Variants in MGAT4C observed in about 807,000 individuals in gnomAD.
The protein encoded by MGAT4C is alpha-1,3-mannosyl-glycoprotein 4-beta-N-acetylglucosaminyltransferase C.
MGAT4C carries 19 observed loss-of-function variants against 40.1 expected under a neutral mutation model. That is an observed-to-expected ratio of 0.47 (90% CI 0.33 to 0.70). The LOEUF is 0.70. Among genes scored for constraint, MGAT4C ranks in the 30% least tolerant of loss-of-function variants. The pLI, the probability that MGAT4C is intolerant of heterozygous loss-of-function variation, is 0.02. For missense variants in MGAT4C, 491 were observed against 563.2 expected (o/e 0.87, Z 1.30); for synonymous variants, 181 against 187.1 (o/e 0.97, Z 0.27).
At chr12:86,176,748 A>C (rs1887480331) in intron 1 of MGAT4C, among the ~76,000 whole-genome samples, 1 of 150,808 alleles carries the variant, frequency 6.6e-6, no homozygotes. Flanking sequence ...TGACATTAAA[A>C]TATTGATGAT....
rs77283638 is a variant in MGAT4C at position 86,048,448 on chromosome 12, T to C, written c.-7+1226A>G. ...TTCACCCATGTAACAGACCTGCACA[T>C]GTACATCATGAACCTAAAGTCATAT... is the stretch of plus-strand genomic sequence containing the variant. On this transcript the variant is annotated intron_variant, in intron 2 of 4. Transcript: ENST00000611864. Among the ~76,000 whole-genome samples, 2,205 of 152,042 alleles carry C rather than the reference T, an allele frequency of 0.015. 161 individuals are homozygous for C. In the East Asian group the frequency reaches 0.24, roughly 17 times the overall value.
At position 86,624,675 on chromosome 12, in the gene MGAT4C, C is replaced by T. The variant is rs548484733; in HGVS notation, c.-229+102534G>A. ...GGAGGAAGAAGGGGAAGGGAGGAAT[C>T]TTTAGTTTCCCCACATAGAGGTGCC... On this transcript the variant is annotated intron_variant, in intron 2 of 7. Coordinates refer to the MGAT4C transcript ENST00000548651. Among the ~76,000 whole-genome samples the T allele has an allele frequency of 3.3e-5, 5 of 152,166 alleles. No individual in the cohort carries two copies. In the East Asian group the frequency reaches 9.7e-4, roughly 30 times the overall value.
intron 1 of MGAT4C, among the ~76,000 whole-genome samples, chr12:86,798,308 GTTTGT>G (rs1439763184): frequency 6.6e-6 from 1 of 151,782 alleles, no homozygotes; most frequent in Non-Finnish European, 1.5e-5. Context: ...CATTTTCTTA[GTTTGT>G]TTTGTCTCCT....
At chr12:86,152,814 A>T (rs993354587) in intron 1 of MGAT4C, among the ~76,000 whole-genome samples, 15 of 152,280 alleles carry the variant, frequency 9.9e-5, no homozygotes, top group African/African-American at 3.4e-4. Context: ...GAAACACACA[A>T]ACCCAAAGAT....
chr12:86,713,219 T>C (rs372960264), intron 2 of MGAT4C, among the ~76,000 whole-genome samples: 36 of 152,212 alleles, frequency 2.4e-4, no homozygotes, highest in African/African-American at 8.7e-4. Flanking sequence ...ATGGTTTACA[T>C]GTTGTTTTTT....
intron 3 of MGAT4C, among the ~76,000 whole-genome samples, chr12:86,353,965 G>A (rs924238305): frequency 1.3e-5 from 2 of 152,098 alleles, no homozygotes; most frequent in Non-Finnish European, 2.9e-5. Context: ...GATGGAACTG[G>A]AGAAAAGCTG....
intron 1 of MGAT4C, among the ~76,000 whole-genome samples, chr12:86,754,516 G>A (rs899598574): frequency 2.0e-5 from 3 of 152,044 alleles, no homozygotes; most frequent in African/African-American, 7.2e-5. Context: ...TTTAAAAGAT[G>A]AATGCACACA....
intron 2 of MGAT4C, among the ~76,000 whole-genome samples, chr12:86,010,181 T>C (rs1888315116): frequency 1.3e-5 from 2 of 152,166 alleles, no homozygotes; most frequent in Admixed American, 1.3e-4. Context: ...CTACACCATA[T>C]AGATAATAGG....
chr12:86,130,195 A>C (rs978297458), intron 1 of MGAT4C, among the ~76,000 whole-genome samples: 1 of 152,186 alleles, frequency 6.6e-6, no homozygotes, highest in African/African-American at 2.4e-5. Context: ...CAAAAATATA[A>C]ACATTTAAAT....
chr12:86,752,776 C>T (rs1951245791), intron 1 of MGAT4C, among the ~76,000 whole-genome samples: 1 of 152,030 alleles, frequency 6.6e-6, no homozygotes, highest in Admixed American at 6.6e-5. Flanking sequence ...AGATTTTTGA[C>T]AAAGGTATGA....
rs113236201 is a variant in MGAT4C, at chr12:86,713,844, C to T, written c.-229+13365G>A. Among the ~76,000 whole-genome samples the T allele has an allele frequency of 3.7e-3, 568 of 151,686 alleles. 1 individual carries two copies. Among genetic ancestry groups the T allele is most frequent in the African/African-American group, 0.011 (468 of 41,070 alleles). On this transcript the variant is annotated intron_variant, in intron 2 of 7. Coordinates refer to the MGAT4C transcript ENST00000548651. ...ATTTGACTTTAGGCCTCAGCACCTA[C>T]GGACTTATGTATTACATTATTATGT...
intron 2 of MGAT4C, among the ~76,000 whole-genome samples, chr12:86,721,065 T>A (rs549341720): frequency 6.6e-6 from 1 of 152,254 alleles, no homozygotes; most frequent in South Asian, 2.1e-4. Flanking sequence ...TCATATGTGT[T>A]TGCTGATAGG....
chr12:86,221,487 T>C (rs1950875431), intron 1 of MGAT4C, among the ~76,000 whole-genome samples: 1 of 152,152 alleles, frequency 6.6e-6, no homozygotes. Context: ...TTGGTCAATC[T>C]CTCAAAACTG....
intron 2 of MGAT4C, among the ~76,000 whole-genome samples, chr12:86,612,069 T>C (rs1455622092): frequency 1.3e-5 from 2 of 152,158 alleles, no homozygotes; most frequent in East Asian, 1.9e-4. Flanking sequence ...ATAATTCAAA[T>C]TTTTGAGCAT....
chr12:86,288,281 T>C (rs1361093081), intron 4 of MGAT4C, among the ~76,000 whole-genome samples: 1 of 152,214 alleles, frequency 6.6e-6, no homozygotes, highest in East Asian at 1.9e-4. Flanking sequence ...AAAATTTTTC[T>C]CCCATTCTGT....
At chr12:86,776,521 G>C (rs1202850861) in intron 1 of MGAT4C, among the ~76,000 whole-genome samples, 1 of 151,964 alleles carries the variant, frequency 6.6e-6, no homozygotes, top group African/African-American at 2.4e-5. Flanking sequence ...TAACTAAACA[G>C]CCTTTTGAGA....
At chr12:86,155,320 CAT>C (rs748644087) in intron 1 of MGAT4C, among the ~76,000 whole-genome samples, 6 of 151,980 alleles carry the variant, frequency 3.9e-5, no homozygotes, top group Admixed American at 6.6e-5. Context: ...ATGGTTTAGA[CAT>C]GTGTGTGGAA....
At chr12:86,708,855 T>C (rs1203313849) in intron 2 of MGAT4C, among the ~76,000 whole-genome samples, 3 of 152,216 alleles carry the variant, frequency 2.0e-5, no homozygotes, top group African/African-American at 7.2e-5. Flanking sequence ...CCCCATTTTA[T>C]CTATGAAGTA....
intron 2 of MGAT4C, among the ~76,000 whole-genome samples, chr12:85,992,302 T>C (rs772371389): frequency 1.8e-4 from 27 of 152,164 alleles, no homozygotes; most frequent in Admixed American, 5.2e-4. Context: ...TTTGTTTCAA[T>C]CCAGTGTCCT....
Sources: allele counts gnomAD v4.1 joint callset (sites outside exome capture counted in the v4.1 genomes callset), GRCh38; gene constraint gnomAD v4.1.1; transcripts MANE v1.5; gene names NCBI Gene and HGNC (gene_info 2026-07-23, HGNC 2026-07-21).